Variants in TRPC4 observed in about 807,000 individuals in gnomAD.
TRPC4 encodes the protein short transient receptor potential channel 4.
TRPC4 carries 49 observed loss-of-function variants against 99.4 expected under a neutral mutation model. That is an observed-to-expected ratio of 0.49 (90% CI 0.39 to 0.63). The LOEUF (loss-of-function observed/expected upper bound fraction) is 0.63, where lower values mean the gene tolerates loss of function less well. Ranked by LOEUF, TRPC4 falls within the 20% of genes least tolerant of loss-of-function variation. The probability of loss-of-function intolerance (pLI) is 0.00; values close to 1 mark genes in which losing one functional copy is unlikely to be tolerated. For synonymous variants in TRPC4, 454 were observed against 425.9 expected, an observed-to-expected ratio of 1.07 and a Z score of -0.81; for missense variants, 898 against 1,152.9, an observed-to-expected ratio of 0.78 and a Z score of 3.20.
chr13:37,679,155 A>G (rs1392564164), intron 4 of TRPC4, among the ~76,000 whole-genome samples: 1 of 152,312 alleles, frequency 6.6e-6, no homozygotes, highest in East Asian at 1.9e-4. Flanking sequence ...AGGCTTTGCA[A>G]TAAATGGGCA....
chr13:37,682,028 T>A (rs1953257567), intron 4 of TRPC4, among the ~76,000 whole-genome samples: 1 of 151,940 alleles, frequency 6.6e-6, no homozygotes, highest in Non-Finnish European at 1.5e-5. Context: ...TGTGAGGATG[T>A]GATGGGGTAG....
At chr13:37,753,248 T>C (rs1370313909) in intron 2 of TRPC4, among the ~76,000 whole-genome samples, 3 of 152,086 alleles carry the variant, frequency 2.0e-5, no homozygotes, top group African/African-American at 7.2e-5. Context: ...GAGTATAGTA[T>C]AAGTCAAGAA....
intron 1 of TRPC4, among the ~76,000 whole-genome samples, chr13:37,810,099 C>A (rs190665046): frequency 2.2e-4 from 33 of 152,114 alleles, no homozygotes; most frequent in Non-Finnish European, 4.6e-4. Flanking sequence ...ATAGTATGTT[C>A]ATTCTGGATT....
intron 1 of TRPC4, among the ~76,000 whole-genome samples, chr13:37,820,321 A>T (rs1382537058): frequency 6.6e-6 from 1 of 152,008 alleles, no homozygotes; most frequent in Admixed American, 6.6e-5. Context: ...CAACCAGAAC[A>T]TGTCTAGGAT....
At chr13:37,843,467 A>T (rs1225995843) in intron 1 of TRPC4, among the ~76,000 whole-genome samples, 1 of 152,182 alleles carries the variant, frequency 6.6e-6, no homozygotes, top group Non-Finnish European at 1.5e-5. Flanking sequence ...TTGTAATGTG[A>T]CTTTAAGTTT....
chr13:37,785,671 T>C lies in TRPC4; in HGVS notation c.-27-2311A>G, dbSNP rs181703619. Among the ~76,000 whole-genome samples the C allele has an allele frequency of 3.3e-5, 5 of 152,128 alleles. No individual in the cohort carries two copies. The East Asian group carries it at 9.7e-4, about 29-fold the overall frequency. ...ATTCAATCAAGGTTAAGACTCACGATAGAGAATGAAAAAACTAATTTATTT... is the reference window on the plus strand; with the variant it reads ...ATTCAATCAAGGTTAAGACTCACGACAGAGAATGAAAAAACTAATTTATTT... On this transcript the variant is annotated intron_variant, in intron 1 of 10. Coordinates refer to ENST00000379705, the MANE Select transcript of TRPC4 (RefSeq NM_016179.4).
chr13:37,751,738 A>G (rs1269289012), intron 2 of TRPC4, among the ~76,000 whole-genome samples: 1 of 152,024 alleles, frequency 6.6e-6, no homozygotes, highest in Non-Finnish European at 1.5e-5. Flanking sequence ...CATTAGATGT[A>G]GAGAATTAAG....
intron 1 of TRPC4, among the ~76,000 whole-genome samples, chr13:37,863,764 AT>A (rs1259412352): frequency 4.6e-5 from 7 of 151,568 alleles, no homozygotes; most frequent in Non-Finnish European, 8.9e-5. Context: ...GTTTTTGGAG[AT>A]TCATATTGGT....
chr13:37,858,165 T>C (rs893379985), intron 1 of TRPC4, among the ~76,000 whole-genome samples: 3 of 151,636 alleles, frequency 2.0e-5, no homozygotes, highest in African/African-American at 7.3e-5. Context: ...CACAAGAAGG[T>C]GCCCAACATT....
intron 1 of TRPC4, among the ~76,000 whole-genome samples, chr13:37,851,043 C>T (rs1445512973): frequency 2.0e-5 from 3 of 152,174 alleles, no homozygotes; most frequent in East Asian, 1.9e-4. Flanking sequence ...ATCTCACACA[C>T]ACAAATGAGA....
At chr13:37,684,670 G>A (rs1953398617) in intron 4 of TRPC4, among the ~76,000 whole-genome samples, 1 of 151,872 alleles carries the variant, frequency 6.6e-6, no homozygotes, top group Admixed American at 6.6e-5. Flanking sequence ...TTTCGAATAA[G>A]TGAATATTAA....
chr13:37,717,484 C>T (rs537153117), intron 3 of TRPC4, among the ~76,000 whole-genome samples: 243 of 152,226 alleles, frequency 1.6e-3, no homozygotes, highest in Non-Finnish European at 2.2e-3. Flanking sequence ...TGAAACATTT[C>T]TTTATGAGCT....
intron 4 of TRPC4, among the ~76,000 whole-genome samples, chr13:37,691,204 T>C (rs1412348592): frequency 6.6e-6 from 1 of 151,938 alleles, no homozygotes; most frequent in South Asian, 2.1e-4. Context: ...CGGGTTCACG[T>C]CATTCTCCTG....
At chr13:37,638,955 A>G in intron 10 of TRPC4, 85 bp downstream of exon 10, 1 of 1,399,142 alleles carries the variant, frequency 7.1e-7, no homozygotes, top group Non-Finnish European at 1.0e-6. Context: ...ACACAGCTGC[A>G]TTTCCAGCTC....
chr13:37,680,853 G>A (rs759293991), intron 4 of TRPC4, among the ~76,000 whole-genome samples: 9 of 151,978 alleles, frequency 5.9e-5, no homozygotes, highest in African/African-American at 1.9e-4. Context: ...TTTATAATTC[G>A]GTTGCTTTCA....
chr13:37,729,974 T>C (rs957828244), intron 3 of TRPC4, among the ~76,000 whole-genome samples: 1 of 152,068 alleles, frequency 6.6e-6, no homozygotes, highest in African/African-American at 2.4e-5. Flanking sequence ...GTTAAGATAG[T>C]AAATTTTATA....
At chr13:37,866,320 A>G (rs1449471446) in intron 1 of TRPC4, among the ~76,000 whole-genome samples, 1 of 151,736 alleles carries the variant, frequency 6.6e-6, no homozygotes, top group East Asian at 1.9e-4. Context: ...TAAAACATAC[A>G]CTAATATTAA....
chr13:37,767,516 C>G (rs1956410372), intron 2 of TRPC4, among the ~76,000 whole-genome samples: 1 of 151,196 alleles, frequency 6.6e-6, no homozygotes, highest in Non-Finnish European at 1.5e-5. Flanking sequence ...TGGAAGGCTC[C>G]TCAGAACCCC....
At position 37,783,192 on chromosome 13, in the gene TRPC4, C is replaced by T; in HGVS notation, c.142G>A (p.Val48Ile). 6.2e-7 allele frequency: 1 copy of T among 1,613,706 alleles called. No individual in the cohort carries two copies. Among genetic ancestry groups the T allele is most frequent in the East Asian group, 2.2e-5 (1 of 44,830 alleles). The change falls in exon 2 of 11, where the codon GTC becomes ATC. Residue 48 changes from valine to isoleucine, a missense_variant. Val to Ile is a conservative substitution (Grantham distance 29). Transcript: ENST00000379705. ...TCAGCTTCCTCTAGGGATTTCTTGA[C>T]ACTGGCATAATCTCCCTTTTCCACA... ...NAVEKGDYASVKKSLEEAEIY... is the reference protein window; with the variant it reads ...NAVEKGDYASIKKSLEEAEIY...
Sources: gnomAD v4.1 joint callset for allele counts (sites outside exome capture counted in the v4.1 genomes callset) on GRCh38, gnomAD v4.1.1 for gene constraint, MANE v1.5 for transcripts, NCBI Gene and HGNC (gene_info 2026-07-23, HGNC 2026-07-21) for gene names.